Variants in ABL1 observed in about 807,000 individuals in gnomAD.
ABL1 encodes tyrosine-protein kinase ABL1.
ABL1 carries 11 observed loss-of-function variants against 94.7 expected under a neutral mutation model. The observed-to-expected ratio is 0.12, with a 90% CI of 0.07 to 0.19. The LOEUF is 0.19. ABL1 is among the 10% of genes least tolerant of loss of function. The pLI, the probability that ABL1 is intolerant of heterozygous loss-of-function variation, is 1.00. For missense variants in ABL1, 1,082 were observed against 1,489.4 expected (o/e 0.73, Z 4.50); for synonymous variants, 656 against 622.4 (o/e 1.05, Z -0.80).
At position 130,880,387 on chromosome 9, in the gene ABL1, A is replaced by C. The variant is rs1226904351; in HGVS notation, c.1514-113A>C. Reference sequence around the variant, plus strand: ...TCCGGTATCCACGTGCCTTTTCTTTAGTTGTATGCAGATGAGCACTGTTAC... The same window carrying C: ...TCCGGTATCCACGTGCCTTTTCTTTCGTTGTATGCAGATGAGCACTGTTAC... On this transcript the variant is annotated intron_variant, in intron 9 of 10. Transcript: ENST00000318560. The surrounding 1 kb of genome is among the most constrained non-coding windows in gnomAD (Gnocchi z 4.4). The C allele has an allele frequency of 7.6e-6, 10 of 1,315,912 alleles. No homozygotes were observed. Among genetic ancestry groups the C allele is most frequent in the Non-Finnish European group, 1.1e-5 (10 of 949,292 alleles). The allele number at this position is 1,315,912 out of a possible 1,614,324, so 81.5% of individuals were successfully genotyped here. A position where few individuals can be genotyped will look rare whatever the true frequency, so the allele number is the denominator to read the frequency against.
At position 130,887,522 on chromosome 9, in the gene ABL1, T is replaced by C; in HGVS notation, c.*1839T>C. 1 of 233,472 alleles carries C rather than the reference T, an allele frequency of 4.3e-6. No individual in the cohort carries two copies. The highest frequency in any genetic ancestry group is 8.5e-6 in the Non-Finnish European group (1 of 117,928). 14.5% of individuals were successfully genotyped at this position (233,472 alleles called of 1,614,324 possible). On this transcript the variant is annotated 3_prime_UTR_variant, in exon 11 of 11. Coordinates refer to ENST00000318560, the MANE Select transcript of ABL1 (RefSeq NM_005157.6). ...TTTTCTAAGTGGCGTGTGCATAGCG[T>C]CCTGCCCTGCCCCCTCGGGGGCCTG...
chr9:130,721,431 A>G (rs1588209914), intron 1 of ABL1, among the ~76,000 whole-genome samples: 1 of 149,444 alleles, frequency 6.7e-6, no homozygotes, highest in Non-Finnish European at 1.5e-5. Context: ...TACTAAGGCC[A>G]GGTGCGGTGG....
intron 1 of ABL1, among the ~76,000 whole-genome samples, chr9:130,747,605 G>T (rs1831904161): frequency 1.3e-5 from 2 of 152,040 alleles, no homozygotes; most frequent in Admixed American, 6.6e-5. Context: ...TAGAGACATG[G>T]TTTCACCATG....
At position 130,738,667 on chromosome 9, in the gene ABL1, C is replaced by A. The variant is rs559570791; in HGVS notation, c.136+24212C>A. Among the ~76,000 whole-genome samples the A allele has an allele frequency of 3.9e-5, 6 of 152,286 alleles. No individual in the cohort carries two copies. The East Asian group carries it at 1.2e-3, about 29-fold the overall frequency. On this transcript the variant is annotated intron_variant, in intron 1 of 10. Coordinates refer to the ABL1 transcript ENST00000372348. ...TCCAGTGTCCTCGTGGAACTTAACT[C>A]TTGTTTATATCAATTACCTTGCTGA...
rs1039224755 is a variant in ABL1, at chr9:130,829,283, G to A, written c.137-24781G>A. Among the ~76,000 whole-genome samples, 10 of 152,238 alleles carry A rather than the reference G, an allele frequency of 6.6e-5. No homozygotes were observed. The South Asian group carries it at 1.5e-3, about 22-fold the overall frequency. ...TCAGTCAATAAGTAGAACTGAGCCC[G>A]GGCACGGTGGCTCACACCTGTAATC... On this transcript the variant is annotated intron_variant, in intron 1 of 10. Transcript: ENST00000372348.
Position 130,884,903 on chromosome 9 carries a change from G to A in ABL1, c.2613G>A (p.Glu871=), listed in dbSNP as rs1200513951. Residue 871 remains glutamate (E), a synonymous_variant, in exon 11 of 11, where the codon GAG becomes GAA. Coordinates refer to ENST00000318560, the MANE Select transcript of ABL1 (RefSeq NM_005157.6). This position sits in a 1 kb window ranked among gnomAD's most constrained non-coding sequence, Gnocchi z 5.6. ...GGGGCACCAGCAAGGGCCCCGCCGA[G>A]GAGTCCAGAGTGAGGAGGCACAAGC... ...APGGTSKGPA[E]ESRVRRHKHS... is the part of the protein sequence containing the mutation. The A allele has an allele frequency of 1.2e-6, 2 of 1,610,540 alleles. No individual in the cohort carries two copies. Among genetic ancestry groups the A allele is most frequent in the Admixed American group, 3.4e-5 (2 of 59,652 alleles).
At position 130,756,348 on chromosome 9, in the gene ABL1, A is replaced by G. The variant is rs1832041549; in HGVS notation, c.136+41893A>G. ...TTTTAATTTTTTTTTTTTTTGTCAA[A>G]TGAAAGGTTGCCATTTCATTTGTTC... is the stretch of plus-strand genomic sequence containing the variant. On this transcript the variant is annotated intron_variant, in intron 1 of 10. Coordinates refer to the ABL1 transcript ENST00000372348. Among the ~76,000 whole-genome samples, 3 of 150,764 alleles carry G rather than the reference A, an allele frequency of 2.0e-5. 1 individual carries two copies. In the South Asian group the frequency reaches 6.3e-4, roughly 31 times the overall value.
intron 1 of ABL1, among the ~76,000 whole-genome samples, chr9:130,718,839 G>A (rs937873312): frequency 1.3e-4 from 19 of 151,798 alleles, no homozygotes; most frequent in African/African-American, 4.1e-4. Flanking sequence ...CCATGATCAC[G>A]CCACTGCACT....
At chr9:130,796,469 C>T (rs1208374168) in intron 1 of ABL1, among the ~76,000 whole-genome samples, 1 of 152,128 alleles carries the variant, frequency 6.6e-6, no homozygotes. Flanking sequence ...CGAGATCAAT[C>T]ACACCACTGC....
intron 1 of ABL1, among the ~76,000 whole-genome samples, chr9:130,756,227 C>T: frequency 6.6e-6 from 1 of 152,234 alleles, no homozygotes; most frequent in South Asian, 2.1e-4. Context: ...TCCCTTTTCT[C>T]CTTGACATTT....
intron 1 of ABL1, among the ~76,000 whole-genome samples, chr9:130,715,287 G>A (rs1471704522): frequency 2.0e-5 from 3 of 152,190 alleles, no homozygotes; most frequent in Non-Finnish European, 2.9e-5. Context: ...TGTTTGTACT[G>A]TTGCAGCCTG....
At chr9:130,790,275 G>A (rs1469757757) in intron 1 of ABL1, among the ~76,000 whole-genome samples, 4 of 152,206 alleles carry the variant, frequency 2.6e-5, no homozygotes, top group South Asian at 2.1e-4. Context: ...CCAGACCTTC[G>A]CCTGTGGCCC....
chr9:130,739,116 A>G (rs1178856062), intron 1 of ABL1, among the ~76,000 whole-genome samples: 2 of 151,912 alleles, frequency 1.3e-5, no homozygotes, highest in Admixed American at 1.3e-4. Flanking sequence ...CTGGTCTTGC[A>G]CTCCTGACCT....
intron 1 of ABL1, among the ~76,000 whole-genome samples, chr9:130,776,570 C>CT (rs1554762959): frequency 2.5e-5 from 3 of 121,072 alleles, no homozygotes; most frequent in African/African-American, 1.0e-4. Flanking sequence ...AAGTGAGACT[C>CT]TATCTCAAAA....
chr9:130,843,447 G>A (rs553953883), intron 1 of ABL1, among the ~76,000 whole-genome samples: 100 of 152,324 alleles, frequency 6.6e-4, no homozygotes, highest in African/African-American at 2.3e-3. Context: ...CTGTTGTGCA[G>A]TTGAGAAACT....
intron 1 of ABL1, among the ~76,000 whole-genome samples, chr9:130,824,451 T>C (rs1830401029): frequency 6.6e-6 from 1 of 152,230 alleles, no homozygotes; most frequent in Non-Finnish European, 1.5e-5. Flanking sequence ...ATTCAAATGC[T>C]AGTCTCTTCT....
At chr9:130,803,284 C>T (rs1323519229) in intron 1 of ABL1, among the ~76,000 whole-genome samples, 2 of 152,256 alleles carry the variant, frequency 1.3e-5, no homozygotes, top group Non-Finnish European at 1.5e-5. Context: ...ATGCTCTACC[C>T]GCCTCAGCCT....
At chr9:130,745,369 T>C (rs1237913889) in intron 1 of ABL1, among the ~76,000 whole-genome samples, 3 of 151,754 alleles carry the variant, frequency 2.0e-5, no homozygotes, top group Non-Finnish European at 4.4e-5. Context: ...CAGGCGTGAG[T>C]CACTGTGCCC....
chr9:130,733,806 G>T (rs1220153432), intron 1 of ABL1, among the ~76,000 whole-genome samples: 1 of 151,978 alleles, frequency 6.6e-6, no homozygotes, highest in African/African-American at 2.4e-5. Context: ...TAGCCAGGAT[G>T]GTCTCGATCT....
Sources: gnomAD v4.1 joint callset for allele counts (sites outside exome capture counted in the v4.1 genomes callset) on GRCh38, gnomAD v4.1.1 for gene constraint, Gnocchi (gnomAD v3.1) non-coding constraint, MANE v1.5 for transcripts, NCBI Gene and HGNC (gene_info 2026-07-23, HGNC 2026-07-21) for gene names.